NXPE2: variants seen among roughly 807,000 people sequenced by gnomAD.
NXPE2 encodes NXPE family member 2.
A neutral mutation model predicts 34.4 loss-of-function variants in NXPE2; 34 were observed. That is an observed-to-expected ratio of 0.99 (90% CI 0.75 to 1.31). NXPE2 has a LOEUF of 1.31. Among genes scored for constraint, NXPE2 ranks in the 40% most tolerant of loss-of-function variants. The probability of loss-of-function intolerance (pLI) is 0.00; values close to 1 mark genes in which losing one functional copy is unlikely to be tolerated. For missense variants in NXPE2, 649 were observed against 672.5 expected, an observed-to-expected ratio of 0.97 and a Z score of 0.39; for synonymous variants, 235 against 231.3, an observed-to-expected ratio of 1.02 and a Z score of -0.15.
chr11:114,806,735 G>C, the NXPE2 span, among the ~76,000 whole-genome samples: 1 of 151,718 alleles, frequency 6.6e-6, no homozygotes, highest in East Asian at 1.9e-4. Flanking sequence ...TGAAAGTGAT[G>C]GGGAGAATGG....
the NXPE2 span, among the ~76,000 whole-genome samples, chr11:114,728,706 A>G: frequency 3.9e-5 from 6 of 151,958 alleles, no homozygotes; most frequent in African/African-American, 1.4e-4. Flanking sequence ...TGTCTCAACT[A>G]CTCAACTCTG....
the NXPE2 span, among the ~76,000 whole-genome samples, chr11:114,551,662 C>A: frequency 6.6e-6 from 1 of 152,050 alleles, no homozygotes; most frequent in Non-Finnish European, 1.5e-5. Flanking sequence ...GTTAACTGGG[C>A]AGGGAGGTGG....
At chr11:114,771,750 G>A in the NXPE2 span, among the ~76,000 whole-genome samples, 27 of 152,324 alleles carry the variant, frequency 1.8e-4, no homozygotes, top group Admixed American at 8.5e-4. Flanking sequence ...TCTTGTTAGC[G>A]CTCTGCTTCT....
chr11:114,745,768 G>A, the NXPE2 span, among the ~76,000 whole-genome samples: 1 of 152,008 alleles, frequency 6.6e-6, no homozygotes, highest in African/African-American at 2.4e-5. Context: ...GTATACTAGA[G>A]TAGAAGAAGA....
intron 2 of NXPE2, among the ~76,000 whole-genome samples, chr11:114,690,158 T>C (rs1951124507): frequency 6.6e-6 from 1 of 152,160 alleles, no homozygotes; most frequent in South Asian, 2.1e-4. Flanking sequence ...GCTTTGTAGT[T>C]TCAATTGAGG....
At chr11:114,660,889 C>T in the NXPE2 span, among the ~76,000 whole-genome samples, 1 of 152,030 alleles carries the variant, frequency 6.6e-6, no homozygotes, top group East Asian at 1.9e-4. Context: ...TTAGTGTCAG[C>T]AAGATTATAA....
the NXPE2 span, among the ~76,000 whole-genome samples, chr11:114,496,496 T>C: frequency 2.0e-5 from 3 of 152,192 alleles, no homozygotes; most frequent in East Asian, 5.8e-4. Flanking sequence ...TTTTTGGTTC[T>C]TTAGGTTCTT....
chr11:114,586,891 T>A, the NXPE2 span, among the ~76,000 whole-genome samples: 1 of 152,208 alleles, frequency 6.6e-6, no homozygotes, highest in Non-Finnish European at 1.5e-5. Context: ...AATGCCATAA[T>A]GCCTGGGAAT....
chr11:114,602,310 TAA>T, the NXPE2 span, among the ~76,000 whole-genome samples: 1 of 115,836 alleles, frequency 8.6e-6, no homozygotes, highest in Non-Finnish European at 1.7e-5. Flanking sequence ...ATACTATATA[TAA>T]TATATATTAT....
the NXPE2 span, among the ~76,000 whole-genome samples, chr11:114,724,634 G>T: frequency 6.6e-6 from 1 of 152,006 alleles, no homozygotes; most frequent in African/African-American, 2.4e-5. Context: ...TCTTCTACTA[G>T]CTCAAGCAGG....
At chr11:114,697,801 C>T (rs1368855399) in intron 2 of NXPE2, among the ~76,000 whole-genome samples, 1 of 152,120 alleles carries the variant, frequency 6.6e-6, no homozygotes, top group Non-Finnish European at 1.5e-5. Flanking sequence ...GTATTGATAA[C>T]ATGATTGTAT....
chr11:114,518,764 T>C, the NXPE2 span, among the ~76,000 whole-genome samples: 1 of 152,304 alleles, frequency 6.6e-6, no homozygotes, highest in East Asian at 1.9e-4. Flanking sequence ...TGTTTGCAAA[T>C]TTACTTACCT....
At chr11:114,587,152 CCTT>C in the NXPE2 span, among the ~76,000 whole-genome samples, 2 of 152,124 alleles carry the variant, frequency 1.3e-5, no homozygotes, top group Non-Finnish European at 2.9e-5. Flanking sequence ...GCTTTATGCT[CCTT>C]CTTTGAACAA....
the NXPE2 span, among the ~76,000 whole-genome samples, chr11:114,521,489 A>G: frequency 2.0e-5 from 3 of 152,124 alleles, no homozygotes; most frequent in Non-Finnish European, 4.4e-5. Context: ...CATGGTATAC[A>G]TATTTTCTGT....
intron 4 of NXPE2, among the ~76,000 whole-genome samples, chr11:114,704,621 A>G (rs1359983046): frequency 1.3e-5 from 2 of 152,252 alleles, no homozygotes; most frequent in Non-Finnish European, 2.9e-5. Flanking sequence ...AAGGACTTCC[A>G]TTATAACAAT....
the NXPE2 span, among the ~76,000 whole-genome samples, chr11:114,654,489 C>A: frequency 2.6e-5 from 4 of 152,172 alleles, no homozygotes; most frequent in South Asian, 6.2e-4. Flanking sequence ...CAACCCCCAA[C>A]AGGCTCTGGT....
chr11:114,654,735 C>G, the NXPE2 span, among the ~76,000 whole-genome samples: 1 of 152,118 alleles, frequency 6.6e-6, no homozygotes, highest in African/African-American at 2.4e-5. Flanking sequence ...GGACATTTGA[C>G]TTGGTTCCGT....
the NXPE2 span, among the ~76,000 whole-genome samples, chr11:114,595,131 C>G: frequency 6.6e-6 from 1 of 152,148 alleles, no homozygotes; most frequent in Non-Finnish European, 1.5e-5. Flanking sequence ...AGGGCAGACA[C>G]AAAATACTCC....
At chr11:114,510,370 A>C in the NXPE2 span, among the ~76,000 whole-genome samples, 12 of 152,120 alleles carry the variant, frequency 7.9e-5, no homozygotes, top group Non-Finnish European at 1.6e-4. Context: ...AGTAGCTGGG[A>C]CTACAGGTGC....
Sources: gnomAD v4.1 joint callset for allele counts (sites outside exome capture counted in the v4.1 genomes callset) on GRCh38, gnomAD v4.1.1 for gene constraint, MANE v1.5 for transcripts, NCBI Gene and HGNC (gene_info 2026-07-23, HGNC 2026-07-21) for gene names.